The following SLC2A9 variants were observed in gnomAD, a reference collection of about 807,000 sequenced individuals.
SLC2A9 encodes solute carrier family 2, facilitated glucose transporter member 9.
SLC2A9 carries 39 observed loss-of-function variants against 50.6 expected under a neutral mutation model. The observed-to-expected ratio is 0.77, with a 90% confidence interval of 0.60 to 1.01. The LOEUF is 1.01. SLC2A9 is among the 50% of genes least tolerant of loss of function. The pLI, the probability that SLC2A9 is intolerant of heterozygous loss-of-function variation, is 0.00. For synonymous variants in SLC2A9, 324 were observed against 276.9 expected, an observed-to-expected ratio of 1.17 and a Z score of -1.69; for missense variants, 686 against 677.6, an observed-to-expected ratio of 1.01 and a Z score of -0.14.
chr4:9,899,100 T>C lies in SLC2A9; in HGVS notation c.1114-8389A>G, dbSNP rs375246967. 3.3e-5 allele frequency among the ~76,000 whole-genome samples: 5 copies of C among 152,224 alleles called. No homozygotes were observed. In the East Asian group the frequency reaches 7.7e-4, roughly 23 times the overall value. ...AAAGCGGTGCAGACAACTGAGACTC[T>C]TTCAGAGAGAAATGTAAATGCTGGG... On this transcript the variant is annotated intron_variant, in intron 8 of 11. Coordinates refer to ENST00000264784, the MANE Select transcript of SLC2A9 (RefSeq NM_020041.3).
At chr4:9,878,685 A>G (rs1734688581) in intron 10 of SLC2A9, among the ~76,000 whole-genome samples, 2 of 152,150 alleles carry the variant, frequency 1.3e-5, no homozygotes, top group South Asian at 4.2e-4. Context: ...CTAGCAAATA[A>G]TTATCAAACC....
At chr4:9,967,805 A>T (rs566806562) in intron 5 of SLC2A9, among the ~76,000 whole-genome samples, 94 of 138,690 alleles carry the variant, frequency 6.8e-4, no homozygotes, top group African/African-American at 2.5e-3. Context: ...CTGGTTATTT[A>T]AAAATAAGAA....
chr4:9,831,168 AGTT>A (rs1726082195), intron 11 of SLC2A9, among the ~76,000 whole-genome samples: 1 of 152,040 alleles, frequency 6.6e-6, no homozygotes, highest in African/African-American at 2.4e-5. Context: ...GAAACAATCA[AGTT>A]GTGTGAGTAG....
intron 3 of SLC2A9, among the ~76,000 whole-genome samples, chr4:9,812,023 CCTT>C (rs1161190416): frequency 6.6e-6 from 1 of 152,188 alleles, no homozygotes; most frequent in African/African-American, 2.4e-5. Flanking sequence ...TAAGAAACTT[CCTT>C]CTTTTATGTT....
intron 8 of SLC2A9, among the ~76,000 whole-genome samples, chr4:9,897,440 G>C (rs1738759552): frequency 6.6e-6 from 1 of 152,052 alleles, no homozygotes; most frequent in Admixed American, 6.6e-5. Context: ...CCTTGTTTGG[G>C]AATGGGGTCT....
intron 3 of SLC2A9, among the ~76,000 whole-genome samples, chr4:9,996,551 C>T (rs557042547): frequency 2.0e-5 from 3 of 151,866 alleles, no homozygotes; most frequent in African/African-American, 4.8e-5. Context: ...GTGGCTCTGA[C>T]ACAGCCCAGT....
At chr4:10,020,417 C>G (rs1161698156) in intron 1 of SLC2A9, among the ~76,000 whole-genome samples, 2 of 152,142 alleles carry the variant, frequency 1.3e-5, no homozygotes, top group African/African-American at 4.8e-5. Context: ...GTTGAGGAGC[C>G]TGCTGCAGAG....
chr4:9,832,433 G>T (rs958712719), intron 11 of SLC2A9, among the ~76,000 whole-genome samples: 1 of 152,106 alleles, frequency 6.6e-6, no homozygotes, highest in Non-Finnish European at 1.5e-5. Context: ...AATACTAAAC[G>T]TATCTACCTG....
At chr4:9,938,987 T>C (rs1204143073) in intron 6 of SLC2A9, among the ~76,000 whole-genome samples, 1 of 152,182 alleles carries the variant, frequency 6.6e-6, no homozygotes, top group African/African-American at 2.4e-5. Context: ...TGGCCCAAGT[T>C]CGTGGCCTCC....
At chr4:9,847,509 A>G (rs931358734) in intron 10 of SLC2A9, among the ~76,000 whole-genome samples, 5 of 152,190 alleles carry the variant, frequency 3.3e-5, no homozygotes, top group Non-Finnish European at 5.9e-5. Context: ...CAAAGGCCCA[A>G]TCAATATCAA....
intron 4 of SLC2A9, among the ~76,000 whole-genome samples, chr4:9,981,584 T>G (rs1755888365): frequency 6.6e-6 from 1 of 152,198 alleles, no homozygotes; most frequent in Non-Finnish European, 1.5e-5. Context: ...TTAAAAAAAT[T>G]ATTTTGCCCA....
intron 10 of SLC2A9, among the ~76,000 whole-genome samples, chr4:9,836,000 T>A (rs973900596): frequency 6.9e-6 from 1 of 144,192 alleles, no homozygotes; most frequent in Non-Finnish European, 1.5e-5. Flanking sequence ...GGCAGGAGAA[T>A]CATTTGAACC....
chr4:9,826,423 C>T lies in SLC2A9; in HGVS notation c.1597G>A (p.Asp533Asn). 6.2e-7 allele frequency: 1 copy of T among 1,614,084 alleles called. No individual in the cohort carries two copies. The highest frequency in any genetic ancestry group is 1.7e-5 in the Admixed American group (1 of 60,024). ...TAAGGCCTTCCATTTATCTTACCAT[C>T]AGTGACAGCTGAGTCGATTTTCTCT... ...PEEKIDSAVT[D>N]GKINGRP is the part of the protein sequence containing the mutation. Residue 533 changes from aspartate (D) to asparagine (N), a missense_variant, in exon 12 of 12, where the codon GAT (aspartate) becomes AAT (asparagine). Transcript: ENST00000264784.
At chr4:9,910,976 C>T (rs1428850482) in intron 7 of SLC2A9, among the ~76,000 whole-genome samples, 4 of 147,512 alleles carry the variant, frequency 2.7e-5, no homozygotes. Flanking sequence ...GAGAGGGGAA[C>T]ATCATACACC....
chr4:10,020,613 C>T (rs1403289403), intron 1 of SLC2A9, among the ~76,000 whole-genome samples: 1 of 152,188 alleles, frequency 6.6e-6, no homozygotes, highest in Admixed American at 6.5e-5. Flanking sequence ...TGTTCTCTAT[C>T]ACTCTTTCTC....
At chr4:10,001,771 C>G (rs4622999) in intron 2 of SLC2A9, among the ~76,000 whole-genome samples, 69,946 of 152,082 alleles carry the variant, frequency 0.46, 17,143 homozygotes, top group South Asian at 0.59. Context: ...AATGTCAAGG[C>G]TTTATGTCCT....
At chr4:9,784,946 TA>T (rs1260705321) in intron 3 of SLC2A9, among the ~76,000 whole-genome samples, 2 of 152,246 alleles carry the variant, frequency 1.3e-5, no homozygotes, top group African/African-American at 4.8e-5. Flanking sequence ...TAGTGCTTAA[TA>T]AATATTTGTT....
chr4:9,793,556 A>G (rs1236828220), intron 3 of SLC2A9, among the ~76,000 whole-genome samples: 1 of 152,246 alleles, frequency 6.6e-6, no homozygotes, highest in Non-Finnish European at 1.5e-5. Flanking sequence ...TGGATTAAAT[A>G]CAGATGTGCA....
chr4:10,021,315 G>C lies in SLC2A9; in HGVS notation c.115C>G (p.Leu39Val), dbSNP rs1763481926. ...CTTCCACCTGGCACCCCACTCCTCA[G>C]GTGGTCACACTCCAGCAGTGCCCTC... Reference protein sequence around the residue: ...PGRALLECDHLRSGVPGGRRR... With the variant: ...PGRALLECDHVRSGVPGGRRR... The change falls in exon 1 of 12, where the codon CTG becomes GTG. Residue 39 changes from leucine to valine, a missense_variant. By Grantham distance (32) the Leu-to-Val change is conservative. Coordinates refer to ENST00000264784, the MANE Select transcript of SLC2A9 (RefSeq NM_020041.3). The C allele has an allele frequency of 1.9e-6, 3 of 1,614,010 alleles. No homozygotes were observed. Among genetic ancestry groups the C allele is most frequent in the Admixed American group, 1.7e-5 (1 of 60,010 alleles).
Sources: allele counts gnomAD v4.1 joint callset (sites outside exome capture counted in the v4.1 genomes callset), GRCh38; gene constraint gnomAD v4.1.1; transcripts MANE v1.5; gene names NCBI Gene and HGNC (gene_info 2026-07-23, HGNC 2026-07-21).